The following PPARGC1A variants were observed in gnomAD, a reference collection of about 807,000 sequenced individuals.
The protein encoded by PPARGC1A is peroxisome proliferator-activated receptor gamma coactivator 1-alpha.
In PPARGC1A, 25 loss-of-function variants were observed where a neutral mutation model predicts 88.7. The ratio of observed to expected loss-of-function variants is 0.28; its 90% CI spans 0.21 to 0.39. The LOEUF (loss-of-function observed/expected upper bound fraction) is 0.39. Ranked by LOEUF, PPARGC1A falls within the 10% of genes least tolerant of loss-of-function variation. The pLI is 1.00. For missense variants in PPARGC1A, 880 were observed against 968.7 expected (o/e 0.91, Z 1.22); for synonymous variants, 363 against 355.6 (o/e 1.02, Z -0.24).
At chr4:24,045,121 T>C in the PPARGC1A span, among the ~76,000 whole-genome samples, 1 of 152,216 alleles carries the variant, frequency 6.6e-6, no homozygotes, top group African/African-American at 2.4e-5. Flanking sequence ...CAGGAATGTG[T>C]GCAGGTGCCA....
chr4:24,022,234 C>T, the PPARGC1A span, among the ~76,000 whole-genome samples: 5 of 152,114 alleles, frequency 3.3e-5, no homozygotes, highest in Non-Finnish European at 4.4e-5. Flanking sequence ...CTTCTCGCTG[C>T]CCCTCAAAGT....
the PPARGC1A span, among the ~76,000 whole-genome samples, chr4:24,252,144 A>G: frequency 6.6e-6 from 1 of 152,044 alleles, no homozygotes; most frequent in Non-Finnish European, 1.5e-5. Flanking sequence ...TGAATTTAAT[A>G]TTTTCTTTAC....
chr4:24,129,362 G>A, the PPARGC1A span, among the ~76,000 whole-genome samples: 1 of 152,110 alleles, frequency 6.6e-6, no homozygotes, highest in Non-Finnish European at 1.5e-5. Flanking sequence ...ATGTTCCATA[G>A]GGCTAGGATT....
intron 5 of PPARGC1A, among the ~76,000 whole-genome samples, chr4:23,827,224 A>G (rs111474184): frequency 3.3e-5 from 5 of 152,312 alleles, no homozygotes; most frequent in African/African-American, 9.6e-5. Context: ...ATGGAAAGCC[A>G]TTTTAAAATA....
chr4:24,303,843 C>T, the PPARGC1A span, among the ~76,000 whole-genome samples: 1 of 152,168 alleles, frequency 6.6e-6, no homozygotes, highest in Admixed American at 6.5e-5. Flanking sequence ...AAACCAGAGA[C>T]TCTCCATGTC....
At chr4:24,461,687 G>T in the PPARGC1A span, among the ~76,000 whole-genome samples, 1 of 151,952 alleles carries the variant, frequency 6.6e-6, no homozygotes, top group Non-Finnish European at 1.5e-5. Context: ...CAAGCTCATT[G>T]TAGGTGCTCA....
In PPARGC1A at chr4:23,812,644, CAA is replaced by C; in HGVS notation, c.2019+101_2019+102del. 5 of 1,559,132 alleles carry C rather than the reference CAA, an allele frequency of 3.2e-6. No individual in the cohort carries two copies. The Admixed American group carries it at 9.7e-5, about 30-fold the overall frequency. On this transcript the variant is annotated intron_variant, in intron 10 of 12. Transcript: ENST00000264867. ...AAAGGCTGAAAATGGCCTGTTCTAA[CAA>C]AGACTTAGCTTTTGTTTATTTTCTA...
chr4:23,960,548 A>G, the PPARGC1A span, among the ~76,000 whole-genome samples: 29 of 114,652 alleles, frequency 2.5e-4, no homozygotes, highest in East Asian at 9.5e-3. Context: ...TACTTGGGCA[A>G]GACTTGGGCA....
At chr4:23,942,841 T>C in the PPARGC1A span, among the ~76,000 whole-genome samples, 1 of 152,224 alleles carries the variant, frequency 6.6e-6, no homozygotes, top group Non-Finnish European at 1.5e-5. Flanking sequence ...CCATCTATGT[T>C]GGTCTCTAAA....
chr4:24,208,814 C>T, the PPARGC1A span, among the ~76,000 whole-genome samples: 1 of 151,844 alleles, frequency 6.6e-6, no homozygotes, highest in African/African-American at 2.4e-5. Flanking sequence ...ATAGCTACTA[C>T]TAAGAGCTAG....
rs1027439670 is a variant in PPARGC1A at position 23,852,843 on chromosome 4, C to T, written c.235-21092G>A. Among the ~76,000 whole-genome samples the T allele has an allele frequency of 2.0e-5, 3 of 152,054 alleles. No individual in the cohort carries two copies. The East Asian group carries it at 5.8e-4, about 29-fold the overall frequency. On this transcript the variant is annotated intron_variant, in intron 2 of 12. Transcript: ENST00000264867. ...AAATAGATATGTACAAGACACATGA[C>T]CCAGACAGGCATATGCATGTGTGCG...
chr4:24,026,150 C>T, the PPARGC1A span, among the ~76,000 whole-genome samples: 2 of 152,172 alleles, frequency 1.3e-5, no homozygotes, highest in African/African-American at 2.4e-5. Flanking sequence ...GGCACTACTT[C>T]TGGTAACAAT....
the PPARGC1A span, among the ~76,000 whole-genome samples, chr4:24,396,779 G>A: frequency 8.6e-5 from 13 of 151,972 alleles, no homozygotes; most frequent in East Asian, 1.5e-3. Context: ...ATTCCCTTTC[G>A]GCTTTTTTGA....
the PPARGC1A span, among the ~76,000 whole-genome samples, chr4:23,983,570 G>C: frequency 6.6e-6 from 1 of 152,072 alleles, no homozygotes; most frequent in Non-Finnish European, 1.5e-5. Context: ...AATATGTAAA[G>C]TTTGAAATGT....
the PPARGC1A span, among the ~76,000 whole-genome samples, chr4:24,347,446 G>A: frequency 6.6e-6 from 1 of 152,102 alleles, no homozygotes; most frequent in East Asian, 1.9e-4. Flanking sequence ...CCAGTGTTAG[G>A]TGCATATATT....
chr4:24,421,674 C>T, the PPARGC1A span, among the ~76,000 whole-genome samples: 1 of 152,160 alleles, frequency 6.6e-6, no homozygotes. Context: ...CGCAACAGCC[C>T]CTGCTGTGAG....
chr4:24,294,314 T>C, the PPARGC1A span, among the ~76,000 whole-genome samples: 1 of 152,192 alleles, frequency 6.6e-6, no homozygotes, highest in East Asian at 1.9e-4. Context: ...TCTCGAATAA[T>C]GTTTCGATGT....
chr4:24,154,794 G>A, the PPARGC1A span, among the ~76,000 whole-genome samples: 26 of 152,154 alleles, frequency 1.7e-4, no homozygotes, highest in African/African-American at 5.1e-4. Flanking sequence ...AAAGCGAGAC[G>A]CAGATGTAAA....
At chr4:23,831,247 G>A (rs956679615) in intron 3 of PPARGC1A, among the ~76,000 whole-genome samples, 1 of 152,114 alleles carries the variant, frequency 6.6e-6, no homozygotes, top group African/African-American at 2.4e-5. Context: ...GAAATTTTTA[G>A]TCTTTTCCTT....
Sources: allele counts gnomAD v4.1 joint callset (sites outside exome capture counted in the v4.1 genomes callset), GRCh38; gene constraint gnomAD v4.1.1; transcripts MANE v1.5; gene names NCBI Gene and HGNC (gene_info 2026-07-23, HGNC 2026-07-21).